Variants in SYPL2 observed in about 807,000 individuals in gnomAD.
SYPL2 encodes the protein synaptophysin like 2.
Under a neutral mutation model 31.3 loss-of-function variants are expected in SYPL2, and 24 were observed. The observed-to-expected ratio is 0.77, with a 90% CI of 0.56 to 1.08. The LOEUF (loss-of-function observed/expected upper bound fraction) is 1.08, where lower values mean the gene tolerates loss of function less well. Among genes scored for constraint, SYPL2 ranks in the 50% least tolerant of loss-of-function variants. The pLI is 0.00. For missense variants in SYPL2, 342 were observed against 360.1 expected (o/e 0.95, Z 0.41); for synonymous variants, 144 against 143.1 (o/e 1.01, Z -0.05).
chr1:109,475,779 C>A, intron 3 of SYPL2, 74 bp downstream of exon 3: 1 of 1,552,916 alleles, frequency 6.4e-7, no homozygotes, highest in South Asian at 1.2e-5. Flanking sequence ...TCTCTTCCTC[C>A]TCCAGAAACC....
At position 109,478,004 on chromosome 1, in the gene SYPL2, T is replaced by C; in HGVS notation, c.643T>C (p.Ser215Pro). ...GCCCTCTATGGGCCTGGCCAACATC[T>C]CCGTGGTGAGACCTGTGGCCACTGC... ...ATPSMGLANI[S>P]VLFGFINFFL... The change falls in exon 5 of 6, where the codon TCC (serine) becomes CCC (proline). Residue 215 changes from serine (S) to proline (P), a missense_variant. Coordinates refer to ENST00000369872, the MANE Select transcript of SYPL2 (RefSeq NM_001040709.2). This position sits in a 1 kb window ranked among gnomAD's most constrained non-coding sequence, Gnocchi z 4.0. 1 of 1,614,048 alleles carries C rather than the reference T, an allele frequency of 6.2e-7. No homozygotes were observed. Among genetic ancestry groups the C allele is most frequent in the Non-Finnish European group, 8.5e-7 (1 of 1,180,002 alleles).
intron 1 of SYPL2, 79 bp from the exon 2 acceptor site, chr1:109,466,980 G>A: frequency 1.3e-6 from 2 of 1,536,240 alleles, no homozygotes; most frequent in Non-Finnish European, 1.7e-6. Context: ...CCTGGACCGC[G>A]TGTGAGTGGG....
At position 109,476,836 on chromosome 1, in the gene SYPL2, GCA is replaced by G; in HGVS notation, c.317_318del (p.His106ProfsTer159). On this transcript the variant is annotated frameshift_variant, in exon 4 of 6. Coordinates refer to ENST00000369872, the MANE Select transcript of SYPL2 (RefSeq NM_001040709.2). LOFTEE classifies it high-confidence loss of function. ...CDEESSSKTMHLMGDFSAPAE... is the reference protein window; with the variant it reads ...CDEESSSKTMXLMGDFSAPAE... ...ATGAAGAGTCCAGCTCCAAGACCAT[GCA>G]CCTCATGGGGGACTTCTCTGCACCC... 1 of 1,614,166 alleles carries G rather than the reference GCA, an allele frequency of 6.2e-7. No homozygotes were observed. Among genetic ancestry groups the G allele is most frequent in the Non-Finnish European group, 8.5e-7 (1 of 1,180,028 alleles).
chr1:109,473,192 G>C (rs1655885312), intron 2 of SYPL2, among the ~76,000 whole-genome samples: 1 of 152,200 alleles, frequency 6.6e-6, no homozygotes, highest in African/African-American at 2.4e-5. Flanking sequence ...TAATGATGCA[G>C]AGGCTTCGAG....
At chr1:109,467,689 G>A (rs1205479987) in intron 2 of SYPL2, among the ~76,000 whole-genome samples, 1 of 152,098 alleles carries the variant, frequency 6.6e-6, no homozygotes, top group African/African-American at 2.4e-5. Flanking sequence ...AATGAGTGAG[G>A]GAGTGGATGA....
At chr1:109,470,940 C>T (rs1171586174) in intron 2 of SYPL2, among the ~76,000 whole-genome samples, 1 of 152,098 alleles carries the variant, frequency 6.6e-6, no homozygotes, top group Non-Finnish European at 1.5e-5. Context: ...TTTGCTATGA[C>T]GCTCCTTTCT....
rs866856572 is a variant in SYPL2 at position 109,466,887 on chromosome 1, C to G, written c.44C>G (p.Pro15Arg). The G allele has an allele frequency of 6.7e-5, 102 of 1,529,972 alleles. No homozygotes were observed. In the Middle Eastern group the frequency reaches 5.4e-3, roughly 81 times the overall value. The allele number at this position is 1,529,972 out of a possible 1,614,324, so 94.8% of individuals were successfully genotyped here. A position where few individuals can be genotyped will look rare whatever the true frequency, so the allele number is the denominator to read the frequency against. The part of the protein sequence containing the change: ...ESAGRTADKS[P>R]RQQVDRLLVG... ...GCCGGCCGCACGGCGGACAAGTCGC[C>G]GCGCCAGCAGGTAGTCCCTGCGCGC... The change falls in exon 1 of 6, where the codon CCG (proline) becomes CGG (arginine). Residue 15 changes from proline to arginine, a missense_variant. Physicochemically the swap from Pro to Arg is moderately radical, Grantham distance 103. Coordinates refer to ENST00000369872, the MANE Select transcript of SYPL2 (RefSeq NM_001040709.2).
chr1:109,466,874 G>C lies in SYPL2; in HGVS notation c.31G>C (p.Ala11Pro), dbSNP rs1655655950. The C allele has an allele frequency of 6.5e-7, 1 of 1,529,550 alleles. No homozygotes were observed. Among genetic ancestry groups the C allele is most frequent in the Non-Finnish European group, 8.7e-7 (1 of 1,144,018 alleles). The allele number at this position is 1,529,550 out of a possible 1,614,324, so 94.7% of individuals were successfully genotyped here. A position where few individuals can be genotyped will look rare whatever the true frequency, so the allele number is the denominator to read the frequency against. The change falls in exon 1 of 6, where the codon GCG becomes CCG. Residue 11 changes from alanine (A) to proline (P), a missense_variant. Ala to Pro is a conservative substitution (Grantham distance 27). Transcript: ENST00000369872. MSSTESAGRT[A>P]DKSPRQQVDR... ...CTCGACCGAGAGCGCCGGCCGCACG[G>C]CGGACAAGTCGCCGCGCCAGCAGGT...
chr1:109,467,383 A>G (rs1323742950), intron 2 of SYPL2, among the ~76,000 whole-genome samples: 2 of 152,146 alleles, frequency 1.3e-5, no homozygotes, highest in Non-Finnish European at 1.5e-5. Flanking sequence ...GCCTTTGCCC[A>G]GGGCGCTCAC....
chr1:109,473,611 A>C (rs1655898150), intron 2 of SYPL2, among the ~76,000 whole-genome samples: 1 of 152,136 alleles, frequency 6.6e-6, no homozygotes, highest in African/African-American at 2.4e-5. Flanking sequence ...ATTTAAGATG[A>C]GGAAACAGGC....
At chr1:109,469,827 C>CAAAAAAAAAAAAAAAAAAAAAAAAAAA (rs10533137) in intron 2 of SYPL2, among the ~76,000 whole-genome samples, 1 of 79,194 alleles carries the variant, frequency 1.3e-5, no homozygotes, top group Non-Finnish European at 2.3e-5. Context: ...GACCTTGTCT[C>CAAAAAAAAAAAAAAAAAAAAAAAAAAA]AAAAAAAAAA....
chr1:109,475,466 C>T, intron 2 of SYPL2, 115 bp from the exon 3 acceptor site: 1 of 1,382,754 alleles, frequency 7.2e-7, no homozygotes, highest in Non-Finnish European at 9.7e-7. Context: ...AAAGGGGATC[C>T]TCACTCTCCC....
rs763328453 is a variant in SYPL2, at chr1:109,476,849, G to T, written c.328G>T (p.Asp110Tyr). ...SSSKTMHLMG[D>Y]FSAPAEFFVT... ...CTCCAAGACCATGCACCTCATGGGG[G>T]ACTTCTCTGCACCCGCCGAGTTCTT... is the stretch of plus-strand genomic sequence containing the variant. Residue 110 changes from aspartate (D) to tyrosine (Y), a missense_variant, in exon 4 of 6, where the codon GAC becomes TAC. Coordinates refer to ENST00000369872, the MANE Select transcript of SYPL2 (RefSeq NM_001040709.2). 6.2e-7 allele frequency: 1 copy of T among 1,614,176 alleles called. No homozygotes were observed. Among genetic ancestry groups the T allele is most frequent in the Non-Finnish European group, 8.5e-7 (1 of 1,180,034 alleles).
intron 3 of SYPL2, among the ~76,000 whole-genome samples, chr1:109,476,041 C>T (rs1655989357): frequency 6.6e-6 from 1 of 152,182 alleles, no homozygotes; most frequent in South Asian, 2.1e-4. Flanking sequence ...GTCTCTCTGA[C>T]CCTCAGTAGC....
Position 109,466,877 on chromosome 1 carries a change from G to A in SYPL2, c.34G>A (p.Asp12Asn), listed in dbSNP as rs1294871915. Residue 12 changes from aspartate (D) to asparagine (N), a missense_variant, in exon 1 of 6, where the codon GAC (aspartate) becomes AAC (asparagine). Coordinates refer to ENST00000369872, the MANE Select transcript of SYPL2 (RefSeq NM_001040709.2). ...GACCGAGAGCGCCGGCCGCACGGCG[G>A]ACAAGTCGCCGCGCCAGCAGGTAGT... ...SSTESAGRTADKSPRQQVDRL... is the reference protein window; with the variant it reads ...SSTESAGRTANKSPRQQVDRL... The A allele has an allele frequency of 6.5e-7, 1 of 1,529,478 alleles. No homozygotes were observed. The highest frequency in any genetic ancestry group is 8.7e-7 in the Non-Finnish European group (1 of 1,144,010). The allele number at this position is 1,529,478 out of a possible 1,614,324, so 94.7% of individuals were successfully genotyped here.
chr1:109,474,309 TTTTCTTTTCTTTTC>T (rs1422201757), intron 2 of SYPL2, among the ~76,000 whole-genome samples: 7 of 123,114 alleles, frequency 5.7e-5, no homozygotes, highest in African/African-American at 2.6e-4. Context: ...TTCTTTTTTC[TTTTCTTTTCTTTTC>T]TTTTTTTTTT....
chr1:109,471,874 T>C (rs1209210097), intron 2 of SYPL2, among the ~76,000 whole-genome samples: 1 of 144,972 alleles, frequency 6.9e-6, no homozygotes, highest in Non-Finnish European at 1.5e-5. Flanking sequence ...GCCCGACTAC[T>C]TTTTTTTTTT....
Position 109,466,914 on chromosome 1 carries a change from C to T in SYPL2, c.54+17C>T. On this transcript the variant is annotated intron_variant, in intron 1 of 5. Transcript: ENST00000369872. Reference sequence around the variant, plus strand: ...CGCCAGCAGGTAGTCCCTGCGCGCCCAGGACTCTCACCCGCCCCTCTCCAC... The same window carrying T: ...CGCCAGCAGGTAGTCCCTGCGCGCCTAGGACTCTCACCCGCCCCTCTCCAC... The T allele has an allele frequency of 6.5e-7, 1 of 1,531,380 alleles. No homozygotes were observed. The highest frequency in any genetic ancestry group is 8.7e-7 in the Non-Finnish European group (1 of 1,144,320). The allele number at this position is 1,531,380 out of a possible 1,614,324, so 94.9% of individuals were successfully genotyped here. A position where few individuals can be genotyped will look rare whatever the true frequency, so the allele number is the denominator to read the frequency against.
Position 109,479,484 on chromosome 1 carries a change from AG to A in SYPL2, c.757del (p.Asp253ThrfsTer62). 1 of 1,614,192 alleles carries A rather than the reference AG, an allele frequency of 6.2e-7. No individual in the cohort carries two copies. The highest frequency in any genetic ancestry group is 1.1e-5 in the South Asian group (1 of 91,084). ...QGQGQDQDQD[Q>X]DQGQGPSQES... ...CAGGGCCAGGACCAGGACCAGGACC[AG>A]GACCAGGGCCAGGGTCCCAGCCAGG... On this transcript the variant is annotated frameshift_variant, in exon 6 of 6. Transcript: ENST00000369872. LOFTEE classifies it high-confidence loss of function.
Sources: gnomAD v4.1 joint callset for allele counts (sites outside exome capture counted in the v4.1 genomes callset) on GRCh38, gnomAD v4.1.1 for gene constraint, Gnocchi (gnomAD v3.1) non-coding constraint, MANE v1.5 for transcripts, NCBI Gene and HGNC (gene_info 2026-07-23, HGNC 2026-07-21) for gene names.